CUL4A: variants seen among roughly 807,000 people sequenced by gnomAD.
CUL4A encodes cullin-4A.
In CUL4A, 16 loss-of-function variants were observed where a neutral mutation model predicts 95.5. The ratio of observed to expected loss-of-function variants is 0.17; its 90% CI spans 0.11 to 0.25. The LOEUF is 0.25. Ranked by LOEUF, CUL4A falls within the 10% of genes least tolerant of loss-of-function variation. The pLI is 1.00. For synonymous variants in CUL4A, 380 were observed against 353.1 expected (o/e 1.08, Z -0.85); for missense variants, 610 against 937.0 (o/e 0.65, Z 4.56).
intron 2 of CUL4A, among the ~76,000 whole-genome samples, chr13:113,215,989 T>C (rs28366693): frequency 7.4e-6 from 1 of 135,574 alleles, no homozygotes. Flanking sequence ...GTGACTATGG[T>C]GGTCACGTCC....
At chr13:113,230,522 C>T (rs745671227) in intron 5 of CUL4A, among the ~76,000 whole-genome samples, 22 of 152,134 alleles carry the variant, frequency 1.4e-4, no homozygotes, top group Non-Finnish European at 2.2e-4. Context: ...AGAAGGCAAA[C>T]GCTGCACAGA....
intron 2 of CUL4A, 70 bp downstream of exon 2, chr13:113,210,158 T>C (rs1289433289): frequency 2.8e-6 from 3 of 1,060,046 alleles, no homozygotes; most frequent in South Asian, 1.9e-5. Flanking sequence ...GGGCGGCCGC[T>C]CCGGGTGCCT....
chr13:113,233,356 C>T lies in CUL4A; in HGVS notation c.675+17C>T, dbSNP rs749449479. On this transcript the variant is annotated intron_variant, in intron 6 of 19. Transcript: ENST00000375440. ...GACCTGCAGGTGAGTGCTGCCTGTG[C>T]GGAAGATACCTGGGTACCTGCCCAG... is the stretch of plus-strand genomic sequence containing the variant. 3.1e-6 allele frequency: 5 copies of T among 1,606,252 alleles called. No homozygotes were observed. The highest frequency in any genetic ancestry group is 1.7e-5 in the Admixed American group (1 of 59,042).
chr13:113,256,926 G>GTTTTTTTTTTTGT (rs2042138160), intron 18 of CUL4A, among the ~76,000 whole-genome samples: 4 of 47,374 alleles, frequency 8.4e-5, no homozygotes, highest in Non-Finnish European at 1.4e-4. Flanking sequence ...TTTTTTTTTC[G>GTTTTTTTTTTTGT]TTTTTTTTTT....
At chr13:113,219,172 T>C (rs2040806594) in intron 3 of CUL4A, 124 bp downstream of exon 3, 1 of 558,318 alleles carries the variant, frequency 1.8e-6, no homozygotes, top group Non-Finnish European at 3.0e-6. Context: ...AAGTTCTCTT[T>C]TATTTGATAG....
In CUL4A at chr13:113,219,048, A is replaced by G. The variant is rs1175713527; in HGVS notation, c.368A>G (p.Glu123Gly). 1 of 1,588,032 alleles carries G rather than the reference A, an allele frequency of 6.3e-7. No individual in the cohort carries two copies. The highest frequency in any genetic ancestry group is 2.2e-5 in the East Asian group (1 of 44,724). Residue 123 changes from glutamate to glycine, a missense_variant and splice_region_variant, in exon 3 of 20, where the codon GAA becomes GGA. Glu to Gly is a moderately conservative substitution (Grantham distance 98). Around this residue, in one of 10 missense-constraint regions of CUL4A, gnomAD observed 168 missense variants for 185.5 expected, o/e 0.91. Transcript: ENST00000375440. ...HVQAQILPFREDSLDSVLFLK... is the reference protein window; with the variant it reads ...HVQAQILPFRGDSLDSVLFLK... The stretch of plus-strand genomic sequence containing the variant: ...CAGGCACAGATCCTTCCGTTTAGAG[A>G]ATATCCTTTTTTTGGTTCATAAAGT...
intron 2 of CUL4A, 41 bp from the exon 3 acceptor site, chr13:113,218,901 CTGT>C: frequency 1.5e-6 from 2 of 1,366,672 alleles, no homozygotes; most frequent in Middle Eastern, 3.6e-4. Flanking sequence ...ATGAACCAAT[CTGT>C]TGTTCATACT....
At chr13:113,209,560 G>C (rs1260789196), upstream of CUL4A, 48 of 905,566 alleles carry the variant, frequency 5.3e-5, no homozygotes, top group Non-Finnish European at 6.2e-5. Flanking sequence ...CGCGCGGACC[G>C]GGGCGGGCGG....
chr13:113,233,378 C>G (rs769402024), intron 6 of CUL4A, 39 bp downstream of exon 6: 13 of 1,562,928 alleles, frequency 8.3e-6, no homozygotes, highest in South Asian at 2.3e-5. Context: ...GGGTACCTGC[C>G]CAGCTACTTG....
At chr13:113,237,290 C>T (rs1009480795) in intron 9 of CUL4A, among the ~76,000 whole-genome samples, 3 of 152,324 alleles carry the variant, frequency 2.0e-5, no homozygotes, top group Admixed American at 2.0e-4. Flanking sequence ...TTTCGTGAGG[C>T]TTCCCTCACC....
At chr13:113,221,563 T>C (rs1311265453) in intron 3 of CUL4A, among the ~76,000 whole-genome samples, 1 of 152,060 alleles carries the variant, frequency 6.6e-6, no homozygotes, top group East Asian at 1.9e-4. Flanking sequence ...TTTTTTGTTT[T>C]GTTTTTTTGT....
At chr13:113,225,844 A>T (rs1595369348) in intron 3 of CUL4A, among the ~76,000 whole-genome samples, 1 of 152,200 alleles carries the variant, frequency 6.6e-6, no homozygotes, top group East Asian at 1.9e-4. Flanking sequence ...GAGCCATTAT[A>T]ATTTTGAACA....
In CUL4A at chr13:113,263,596, G is replaced by A. The variant is rs770538012; in HGVS notation, c.*14G>A. 1.4e-5 allele frequency: 21 copies of A among 1,535,986 alleles called. No individual in the cohort carries two copies. The Middle Eastern group carries it at 5.1e-4, about 37-fold the overall frequency. On this transcript the variant is annotated 3_prime_UTR_variant, in exon 20 of 20. Coordinates refer to ENST00000375440, the MANE Select transcript of CUL4A (RefSeq NM_001008895.4). ...TACGTGGCCTGACGCATCTGCAGAC[G>A]GTTCCCCTTCATGAAACACTAGAAT...
In CUL4A at chr13:113,260,778, T is replaced by A; in HGVS notation, c.2184+19T>A. On this transcript the variant is annotated intron_variant, in intron 19 of 19. Coordinates refer to ENST00000375440, the MANE Select transcript of CUL4A (RefSeq NM_001008895.4). ...AGTAAAGGTAAATGTAACATTAGCA[T>A]AATTAAATTTGTAGTATTTGCTAAA... The A allele has an allele frequency of 6.6e-7, 1 of 1,512,306 alleles. No individual in the cohort carries two copies. Among genetic ancestry groups the A allele is most frequent in the Non-Finnish European group, 9.0e-7 (1 of 1,107,490 alleles). 93.7% of individuals were successfully genotyped at this position (1,512,306 alleles called of 1,614,324 possible).
chr13:113,212,582 G>A (rs1251048558), intron 2 of CUL4A, among the ~76,000 whole-genome samples: 1 of 152,090 alleles, frequency 6.6e-6, no homozygotes, highest in African/African-American at 2.4e-5. Flanking sequence ...TCAGGATTTT[G>A]AGACCAGCCT....
chr13:113,246,612 G>A (rs1169253900), intron 15 of CUL4A, among the ~76,000 whole-genome samples: 1 of 152,198 alleles, frequency 6.6e-6, no homozygotes, highest in East Asian at 1.9e-4. Flanking sequence ...CGTCCCTTAA[G>A]CCTGATATCA....
At chr13:113,218,763 G>A (rs548530599) in intron 2 of CUL4A, among the ~76,000 whole-genome samples, 182 bp from the exon 3 acceptor site, 31 of 152,356 alleles carry the variant, frequency 2.0e-4, no homozygotes, top group Middle Eastern at 3.4e-3. Flanking sequence ...GGACTGCAGT[G>A]TTCCAACGAG....
intron 15 of CUL4A, among the ~76,000 whole-genome samples, chr13:113,249,257 T>A (rs1490799916): frequency 6.6e-6 from 1 of 152,066 alleles, no homozygotes; most frequent in Non-Finnish European, 1.5e-5. Flanking sequence ...GTACCATACA[T>A]GAGCGCTTTA....
chr13:113,216,783 C>G (rs1190595608), intron 2 of CUL4A, among the ~76,000 whole-genome samples: 2 of 152,156 alleles, frequency 1.3e-5, no homozygotes, highest in African/African-American at 2.4e-5. Flanking sequence ...CCAGTATGTT[C>G]CTGCCAGCAA....
Sources: gnomAD v4.1 joint callset for allele counts (sites outside exome capture counted in the v4.1 genomes callset) on GRCh38, gnomAD v4.1.1 for gene constraint, gnomAD v4.1.1 regional missense constraint, MANE v1.5 for transcripts, NCBI Gene and HGNC (gene_info 2026-07-23, HGNC 2026-07-21) for gene names.